The following KDM4C variants were observed in gnomAD, a reference collection of about 807,000 sequenced individuals.
KDM4C encodes the protein lysine-specific demethylase 4C.
Under a neutral mutation model 129.3 loss-of-function variants are expected in KDM4C, and 81 were observed. The ratio of observed to expected loss-of-function variants is 0.63; its 90% CI spans 0.52 to 0.75. The LOEUF (loss-of-function observed/expected upper bound fraction) is 0.75, where lower values mean the gene tolerates loss of function less well. Ranked by LOEUF, KDM4C falls within the 30% of genes least tolerant of loss-of-function variation. The pLI is 0.00. For synonymous variants in KDM4C, 573 were observed against 456.1 expected, an observed-to-expected ratio of 1.26 and a Z score of -3.26; for missense variants, 1,457 against 1,304.0, an observed-to-expected ratio of 1.12 and a Z score of -1.81.
chr9:7,095,366 GT>G (rs1485809668), intron 17 of KDM4C, among the ~76,000 whole-genome samples: 1 of 152,198 alleles, frequency 6.6e-6, no homozygotes, highest in African/African-American at 2.4e-5. Context: ...AGGATAATTA[GT>G]TCTTATTTTT....
chr9:7,166,466 C>G (rs7029541), intron 20 of KDM4C, among the ~76,000 whole-genome samples: 58 of 25,728 alleles, frequency 2.3e-3, no homozygotes, highest in East Asian at 2.5e-3. Flanking sequence ...GTATGTGTGT[C>G]TGTGTGTGTA....
intron 8 of KDM4C, among the ~76,000 whole-genome samples, chr9:6,939,976 A>ACCTTCCTTTCTT (rs1825582494): frequency 1.1e-5 from 1 of 93,480 alleles, no homozygotes; most frequent in East Asian, 3.2e-4. Flanking sequence ...CTACCTACCT[A>ACCTTCCTTTCTT]CCTTCCTTCC....
chr9:6,932,051 T>A (rs540983349), intron 8 of KDM4C, among the ~76,000 whole-genome samples: 8 of 152,304 alleles, frequency 5.3e-5, no homozygotes, highest in East Asian at 3.9e-4. Context: ...CCGTGACTAT[T>A]GTGAGTCACT....
At position 6,759,259 on chromosome 9, in the gene KDM4C, T is replaced by G. The variant is rs1818911837; in HGVS notation, c.-18+1056T>G. Among the ~76,000 whole-genome samples the G allele has an allele frequency of 2.0e-5, 3 of 152,176 alleles. No homozygotes were observed. In the South Asian group the frequency reaches 6.2e-4, roughly 31 times the overall value. Reference sequence around the variant, plus strand: ...TAAACTCTGCCCTATTTTCACCCATTTCAGTTTGCGGTATTTAAAAAAATG... The same window carrying G: ...TAAACTCTGCCCTATTTTCACCCATGTCAGTTTGCGGTATTTAAAAAAATG... On this transcript the variant is annotated intron_variant, in intron 1 of 21. Transcript: ENST00000381309.
chr9:7,024,469 G>A (rs1825450850), intron 15 of KDM4C, among the ~76,000 whole-genome samples: 3 of 151,718 alleles, frequency 2.0e-5, no homozygotes, highest in Non-Finnish European at 4.4e-5. Flanking sequence ...ATCACCTAAT[G>A]CTATCCCTCC....
chr9:6,957,700 C>G lies in KDM4C; in HGVS notation c.922-23225C>G, dbSNP rs570544807. 3.3e-5 allele frequency among the ~76,000 whole-genome samples: 5 copies of G among 152,078 alleles called. No individual in the cohort carries two copies. The East Asian group carries it at 9.7e-4, about 29-fold the overall frequency. Reference sequence around the variant, plus strand: ...GGAACCAGGAGTGGGTCTGGGTGTTCATGTTATAGCAGGAGCCATGTCAAG... The same window carrying G: ...GGAACCAGGAGTGGGTCTGGGTGTTGATGTTATAGCAGGAGCCATGTCAAG... On this transcript the variant is annotated intron_variant, in intron 8 of 21. Transcript: ENST00000381309.
At chr9:6,983,657 T>A (rs986876263) in intron 9 of KDM4C, among the ~76,000 whole-genome samples, 1 of 151,948 alleles carries the variant, frequency 6.6e-6, no homozygotes, top group African/African-American at 2.4e-5. Flanking sequence ...TATTGATGAA[T>A]TGGCATTTAA....
intron 17 of KDM4C, among the ~76,000 whole-genome samples, chr9:7,074,673 G>A (rs965273744): frequency 6.6e-6 from 1 of 152,020 alleles, no homozygotes; most frequent in African/African-American, 2.4e-5. Context: ...TTCAGATTTA[G>A]CAATTTACCT....
At chr9:6,984,575 T>C (rs182242810) in intron 10 of KDM4C, among the ~76,000 whole-genome samples, 171 bp downstream of exon 10, 1 of 152,046 alleles carries the variant, frequency 6.6e-6, no homozygotes, top group Admixed American at 6.5e-5. Context: ...ATTGTAAAAG[T>C]CAGGAGCCTC....
intron 17 of KDM4C, chr9:7,076,485 T>C: frequency 6.5e-7 from 1 of 1,550,270 alleles, no homozygotes; most frequent in Non-Finnish European, 8.7e-7. Flanking sequence ...ACAATAACAA[T>C]GAAGGCTCAC....
At chr9:6,996,263 C>G (rs919906821) in intron 12 of KDM4C, among the ~76,000 whole-genome samples, 1 of 152,244 alleles carries the variant, frequency 6.6e-6, no homozygotes, top group African/African-American at 2.4e-5. Flanking sequence ...AACTCCAGAA[C>G]TTCCCTTGAA....
chr9:6,893,076 T>A lies in KDM4C; in HGVS notation c.784-19T>A. 1 of 1,471,778 alleles carries A rather than the reference T, an allele frequency of 6.8e-7. No homozygotes were observed. Among genetic ancestry groups the A allele is most frequent in the South Asian group, 1.5e-5 (1 of 68,908 alleles). 91.2% of individuals were successfully genotyped at this position (1,471,778 alleles called of 1,614,324 possible). On this transcript the variant is annotated intron_variant, in intron 7 of 21. Transcript: ENST00000381309. Reference sequence around the variant, plus strand: ...GAAGTCTTATTTTTACAAAATATTATATGTTTCCTACCTTGCAGATAACCC... The same window carrying A: ...GAAGTCTTATTTTTACAAAATATTAAATGTTTCCTACCTTGCAGATAACCC...
chr9:7,135,228 A>C (rs1443976518), intron 19 of KDM4C, among the ~76,000 whole-genome samples: 2 of 146,706 alleles, frequency 1.4e-5, no homozygotes, highest in East Asian at 3.9e-4. Flanking sequence ...AGTTGCCACA[A>C]AGACAGACTG....
At chr9:6,970,668 A>C (rs1487066909) in intron 8 of KDM4C, among the ~76,000 whole-genome samples, 1 of 152,230 alleles carries the variant, frequency 6.6e-6, no homozygotes, top group African/African-American at 2.4e-5. Context: ...TGTGGCTAAA[A>C]TGACTTAGAA....
intron 19 of KDM4C, among the ~76,000 whole-genome samples, chr9:7,163,371 C>T (rs910852372): frequency 1.3e-5 from 2 of 152,154 alleles, no homozygotes; most frequent in Admixed American, 6.5e-5. Flanking sequence ...CACTGCAGAG[C>T]ACCATGGCAC....
intron 21 of KDM4C, among the ~76,000 whole-genome samples, chr9:7,173,120 TG>T (rs1845125418): frequency 6.6e-6 from 1 of 152,250 alleles, no homozygotes; most frequent in East Asian, 1.9e-4. Flanking sequence ...CTCACCTTTA[TG>T]GGGTTCCCCT....
At chr9:6,857,274 A>G (rs1840032858) in intron 5 of KDM4C, among the ~76,000 whole-genome samples, 7 of 152,228 alleles carry the variant, frequency 4.6e-5, no homozygotes, top group Admixed American at 4.6e-4. Flanking sequence ...ATCTACCAAA[A>G]ACAAAACAAA....
intron 4 of KDM4C, among the ~76,000 whole-genome samples, chr9:6,835,837 C>T (rs1464153615): frequency 1.4e-4 from 22 of 151,972 alleles, no homozygotes; most frequent in Admixed American, 8.5e-4. Flanking sequence ...AATAGTCATT[C>T]CAAATATCGT....
chr9:6,817,084 A>G (rs1045882669), intron 4 of KDM4C, among the ~76,000 whole-genome samples: 13 of 152,046 alleles, frequency 8.6e-5, no homozygotes, highest in African/African-American at 2.7e-4. Context: ...TTAAAGATGC[A>G]TATTGAAGGA....
Sources: allele counts gnomAD v4.1 joint callset (sites outside exome capture counted in the v4.1 genomes callset), GRCh38; gene constraint gnomAD v4.1.1; transcripts MANE v1.5; gene names NCBI Gene and HGNC (gene_info 2026-07-23, HGNC 2026-07-21).